The following THOC1 variants were observed in gnomAD, a reference collection of about 807,000 sequenced individuals.
THOC1 encodes the protein THO complex subunit 1, also known as THO complex 1.
THOC1 carries 29 observed loss-of-function variants against 97.3 expected under a neutral mutation model. That is an observed-to-expected ratio of 0.30 (90% CI 0.22 to 0.41). THOC1 has a LOEUF of 0.41. Ranked by LOEUF, THOC1 falls within the 10% of genes least tolerant of loss-of-function variation. The pLI is 1.00. For missense variants in THOC1, 529 were observed against 761.9 expected, an observed-to-expected ratio of 0.69 and a Z score of 3.60; for synonymous variants, 255 against 257.0, an observed-to-expected ratio of 0.99 and a Z score of 0.07.
chr18:222,511 C>T (rs1033105019), intron 17 of THOC1, among the ~76,000 whole-genome samples: 1 of 152,102 alleles, frequency 6.6e-6, no homozygotes, highest in African/African-American at 2.4e-5. Context: ...ATTGAATTTA[C>T]AAAACGAGCA....
chr18:254,076 A>G lies in THOC1; in HGVS notation c.603+197T>C, dbSNP rs1234173430. ...CAGGCGTGCACCACCATGCCCTGCT[A>G]ATTTTTGTACTTTTTTGTAGGAATG... On this transcript the variant is annotated intron_variant, in intron 8 of 20. Coordinates refer to ENST00000261600, the MANE Select transcript of THOC1 (RefSeq NM_005131.3). This position sits in a 1 kb window ranked among gnomAD's most constrained non-coding sequence, Gnocchi z 4.1. 6.6e-6 allele frequency among the ~76,000 whole-genome samples: 1 copy of G among 151,470 alleles called. No homozygotes were observed. Among genetic ancestry groups the G allele is most frequent in the African/African-American group, 2.4e-5 (1 of 41,200 alleles).
intron 1 of THOC1, 131 bp from the exon 2 acceptor site, chr18:265,661 C>T: frequency 3.0e-6 from 2 of 655,998 alleles, no homozygotes; most frequent in Non-Finnish European, 5.1e-6. Context: ...ACCTATCAGT[C>T]ATTCTCTCAG....
At chr18:221,409 A>C (rs1010834993) in intron 17 of THOC1, among the ~76,000 whole-genome samples, 1 of 152,082 alleles carries the variant, frequency 6.6e-6, no homozygotes, top group Non-Finnish European at 1.5e-5. Context: ...TAAAATGTGT[A>C]TATTTCTATT....
chr18:235,590 C>G (rs1911651713), intron 11 of THOC1, among the ~76,000 whole-genome samples: 1 of 152,032 alleles, frequency 6.6e-6, no homozygotes, highest in Non-Finnish European at 1.5e-5. Flanking sequence ...ATTATGAGTT[C>G]TTCTTTAACT....
intron 11 of THOC1, among the ~76,000 whole-genome samples, chr18:234,096 A>G (rs1911590320): frequency 6.6e-6 from 1 of 152,182 alleles, no homozygotes; most frequent in African/African-American, 2.4e-5. Context: ...AACATGTTGT[A>G]ATTGATTACT....
At chr18:240,741 T>G (rs1168361105) in intron 11 of THOC1, among the ~76,000 whole-genome samples, 1 of 152,192 alleles carries the variant, frequency 6.6e-6, no homozygotes, top group East Asian at 1.9e-4. Context: ...TTGGGATGAT[T>G]CAAGTGCATT....
Position 214,577 on chromosome 18 carries a change from T to G in THOC1, c.*49A>C. ...CAGTGGACCTCTTATCAAATGCTGCTTGGTAACAAAATCTATCACAGTTTT... is the reference window on the plus strand; with the variant it reads ...CAGTGGACCTCTTATCAAATGCTGCGTGGTAACAAAATCTATCACAGTTTT... On this transcript the variant is annotated 3_prime_UTR_variant, in exon 21 of 21. Transcript: ENST00000261600. 6.7e-7 allele frequency: 1 copy of G among 1,488,746 alleles called. No homozygotes were observed. The allele number at this position is 1,488,746 out of a possible 1,614,324, so 92.2% of individuals were successfully genotyped here.
intron 7 of THOC1, among the ~76,000 whole-genome samples, chr18:258,881 A>G (rs1322697065): frequency 1.3e-5 from 2 of 152,170 alleles, no homozygotes; most frequent in Non-Finnish European, 2.9e-5. Context: ...TCCAAACACA[A>G]AAATAGGCAT....
rs1598290187 is a variant in THOC1 at position 224,915 on chromosome 18, T to C, written c.1208+9A>G. 6.4e-7 allele frequency: 1 copy of C among 1,562,324 alleles called. No homozygotes were observed. Among genetic ancestry groups the C allele is most frequent in the Non-Finnish European group, 8.7e-7 (1 of 1,150,760 alleles). ...GTATGTATTTACCTTTCTTTCAGTA[T>C]GTATTTACCTTTCTTTCACAAAACT... is the stretch of plus-strand genomic sequence containing the variant. On this transcript the variant is annotated intron_variant, in intron 15 of 20. Coordinates refer to ENST00000261600, the MANE Select transcript of THOC1 (RefSeq NM_005131.3).
intron 11 of THOC1, among the ~76,000 whole-genome samples, chr18:233,790 A>G (rs1911577624): frequency 6.6e-6 from 1 of 152,096 alleles, no homozygotes. Flanking sequence ...CGCTTTCTTC[A>G]TGGTTTTCTT....
intron 4 of THOC1, among the ~76,000 whole-genome samples, chr18:261,552 C>T (rs900498109): frequency 6.6e-6 from 1 of 152,162 alleles, no homozygotes; most frequent in East Asian, 1.9e-4. Context: ...CAGTGAGCTC[C>T]ACTAATGAGC....
At chr18:234,798 CA>C (rs1395808890) in intron 11 of THOC1, among the ~76,000 whole-genome samples, 1 of 152,060 alleles carries the variant, frequency 6.6e-6, no homozygotes, top group East Asian at 1.9e-4. Context: ...GTTTGTAAGA[CA>C]TTTTTTATTT....
chr18:255,759 G>A (rs1479716578), intron 7 of THOC1, among the ~76,000 whole-genome samples: 4 of 152,240 alleles, frequency 2.6e-5, no homozygotes, highest in African/African-American at 9.6e-5. Context: ...CTAGAGAGAA[G>A]TCACTGCTTG....
chr18:262,406 A>T (rs1458016550), intron 4 of THOC1, among the ~76,000 whole-genome samples: 9 of 152,252 alleles, frequency 5.9e-5, no homozygotes, highest in Admixed American at 5.9e-4. Context: ...ATGTCACATA[A>T]CCAATTATAG....
intron 7 of THOC1, among the ~76,000 whole-genome samples, chr18:258,284 C>G (rs6506015): frequency 0.2 from 30,366 of 151,142 alleles, 3,568 homozygotes; most frequent in East Asian, 0.32. Context: ...CCAATATTAA[C>G]AGGAGTTTGG....
At chr18:236,753 C>A (rs929670703) in intron 11 of THOC1, among the ~76,000 whole-genome samples, 1 of 152,122 alleles carries the variant, frequency 6.6e-6, no homozygotes, top group African/African-American at 2.4e-5. Context: ...GTACATGGGA[C>A]GCTCAGAGCA....
chr18:229,033 AT>A (rs1911391694), intron 11 of THOC1, among the ~76,000 whole-genome samples: 1 of 152,172 alleles, frequency 6.6e-6, no homozygotes, highest in Admixed American at 6.5e-5. Context: ...AAAGCATTTC[AT>A]TTCTTGGCCC....
intron 11 of THOC1, among the ~76,000 whole-genome samples, chr18:237,521 C>T (rs141980076): frequency 7.9e-4 from 120 of 151,950 alleles, no homozygotes; most frequent in Middle Eastern, 3.4e-3. Context: ...TAATCCTGGA[C>T]GAGCTGTTAA....
Position 214,609 on chromosome 18 carries a change from A to G in THOC1, c.*17T>C. 6.3e-7 allele frequency: 1 copy of G among 1,582,830 alleles called. No homozygotes were observed. The highest frequency in any genetic ancestry group is 1.4e-5 in the African/African-American group (1 of 73,364). On this transcript the variant is annotated 3_prime_UTR_variant, in exon 21 of 21. Coordinates refer to ENST00000261600, the MANE Select transcript of THOC1 (RefSeq NM_005131.3). ...CAAAATCTATCACAGTTTTAATAAAAAGAAAAAAAAAAGAAGCTAACTATT... is the reference window on the plus strand; with the variant it reads ...CAAAATCTATCACAGTTTTAATAAAGAGAAAAAAAAAAGAAGCTAACTATT...
Sources: allele counts gnomAD v4.1 joint callset (sites outside exome capture counted in the v4.1 genomes callset), GRCh38; gene constraint gnomAD v4.1.1; non-coding constraint Gnocchi (gnomAD v3.1); transcripts MANE v1.5; gene names NCBI Gene and HGNC (gene_info 2026-07-23, HGNC 2026-07-21).